TSPAN3: variants seen among roughly 807,000 people sequenced by gnomAD.
TSPAN3 encodes tetraspanin-3.
A neutral mutation model predicts 31.1 loss-of-function variants in TSPAN3; 9 were observed. The ratio of observed to expected loss-of-function variants is 0.29; its 90% CI spans 0.17 to 0.50. The LOEUF is 0.50. Among genes scored for constraint, TSPAN3 ranks in the 20% least tolerant of loss-of-function variants. TSPAN3 has a pLI of 0.98. For synonymous variants in TSPAN3, 129 were observed against 114.3 expected (o/e 1.13, Z -0.82); for missense variants, 252 against 313.5 (o/e 0.80, Z 1.48).
intron 3 of TSPAN3, 107 bp from the exon 4 acceptor site, chr15:77,054,386 T>G (rs1476107025): frequency 1.3e-6 from 1 of 749,434 alleles, no homozygotes. Flanking sequence ...TTGCCAGATA[T>G]CTATGAATTT....
chr15:77,065,558 C>A (rs2076827321), intron 1 of TSPAN3, among the ~76,000 whole-genome samples: 3 of 152,160 alleles, frequency 2.0e-5, no homozygotes, highest in Non-Finnish European at 4.4e-5. Context: ...TCCCGAGTAG[C>A]TGGGACTACA....
intron 1 of TSPAN3, among the ~76,000 whole-genome samples, chr15:77,059,058 T>C (rs1269748749): frequency 6.6e-6 from 1 of 151,752 alleles, no homozygotes; most frequent in African/African-American, 2.4e-5. Context: ...AGAAGAGAAA[T>C]AGTTTAATTT....
intron 6 of TSPAN3, 36 bp downstream of exon 6, chr15:77,052,349 T>A (rs1197675165): frequency 5.0e-6 from 8 of 1,592,356 alleles, no homozygotes; most frequent in African/African-American, 4.0e-5. Flanking sequence ...GAGAACCAAC[T>A]CACTCCGATA....
intron 1 of TSPAN3, among the ~76,000 whole-genome samples, chr15:77,059,284 G>T (rs1282516622): frequency 2.6e-5 from 4 of 152,160 alleles, no homozygotes; most frequent in Non-Finnish European, 2.9e-5. Context: ...GGGTTTCACC[G>T]TGTTAGCCAG....
chr15:77,049,431 TAG>T (rs1270178827), intron 6 of TSPAN3, among the ~76,000 whole-genome samples: 4 of 152,224 alleles, frequency 2.6e-5, no homozygotes, highest in African/African-American at 9.6e-5. Context: ...ATTGCCTTTG[TAG>T]AGAGACAGCC....
intron 1 of TSPAN3, among the ~76,000 whole-genome samples, chr15:77,065,396 A>G (rs2076826049): frequency 6.6e-6 from 1 of 152,206 alleles, no homozygotes; most frequent in Admixed American, 6.5e-5. Context: ...CCTTAATTAT[A>G]TACATTCACA....
chr15:77,069,947 G>A (rs977943837), intron 1 of TSPAN3: 1 of 152,336 alleles, frequency 6.6e-6, no homozygotes, highest in Admixed American at 6.5e-5. Context: ...ACCAGGGGAA[G>A]GAGTTGAACC....
chr15:77,051,301 G>A (rs971788572), intron 6 of TSPAN3, among the ~76,000 whole-genome samples: 2 of 152,024 alleles, frequency 1.3e-5, no homozygotes, highest in African/African-American at 4.8e-5. Flanking sequence ...GCCGAGGCAG[G>A]TGGATCACCT....
Position 77,043,277 on chromosome 15 carries a change from TA to T in TSPAN3, c.*3557del, listed in dbSNP as rs2076670044. On this transcript the variant is annotated 3_prime_UTR_variant, in exon 7 of 7. Transcript: ENST00000267970. Reference sequence around the variant, plus strand: ...TCTCTGTTTTCTCTTCCCTTAGCCCTAGGGGTGATGGCTGTTCTCTGCTAAG... The same window carrying T: ...TCTCTGTTTTCTCTTCCCTTAGCCCTGGGGTGATGGCTGTTCTCTGCTAAG... 6.6e-6 allele frequency: 1 copy of T among 152,280 alleles called. No individual in the cohort carries two copies. The highest frequency in any genetic ancestry group is 2.4e-5 in the African/African-American group (1 of 41,444). 9.4% of individuals were successfully genotyped at this position (152,280 alleles called of 1,614,324 possible).
chr15:77,069,689 G>C (rs941234210), intron 1 of TSPAN3, among the ~76,000 whole-genome samples: 1 of 152,116 alleles, frequency 6.6e-6, no homozygotes, highest in Non-Finnish European at 1.5e-5. Context: ...AGGATATGAA[G>C]TTTTATCCCT....
intron 6 of TSPAN3, among the ~76,000 whole-genome samples, chr15:77,047,752 C>T (rs1169957389): frequency 6.6e-6 from 1 of 152,154 alleles, no homozygotes; most frequent in African/African-American, 2.4e-5. Context: ...TTTGACCTAC[C>T]TTCTCCCAAA....
In TSPAN3 at chr15:77,071,063, GCTCCCCGCAGCCCCTGCGC is replaced by G. The variant is rs2076866866; in HGVS notation, c.-128_-110del. 2.8e-6 allele frequency: 2 copies of G among 720,962 alleles called. No individual in the cohort carries two copies. Among genetic ancestry groups the G allele is most frequent in the Non-Finnish European group, 3.8e-6 (2 of 525,504 alleles). The allele number at this position is 720,962 out of a possible 1,614,324, so 44.7% of individuals were successfully genotyped here. The stretch of plus-strand genomic sequence containing the variant: ...CTAGGAACTGCACGGCCTGCGCGGC[GCTCCCCGCAGCCCCTGCGC>G]CGTCGCGCAGCCCCGACCCCAGCAA... On this transcript the variant is annotated 5_prime_UTR_variant, in exon 1 of 7. Coordinates refer to ENST00000267970, the MANE Select transcript of TSPAN3 (RefSeq NM_005724.6).
At chr15:77,052,741 A>G in intron 5 of TSPAN3, 36 bp downstream of exon 5, 1 of 1,600,984 alleles carries the variant, frequency 6.2e-7, no homozygotes, top group South Asian at 1.1e-5. Flanking sequence ...AAACAGGTTA[A>G]TCAAGCTAGA....
chr15:77,065,939 A>C lies in TSPAN3; in HGVS notation c.63+4953T>G, dbSNP rs1319969062. On this transcript the variant is annotated intron_variant, in intron 1 of 6. Transcript: ENST00000267970. ...TATCACCTCTCAGATGAAAAACAAC[A>C]ACCTAAATAGATATTTAAGATTATA... 4.6e-5 allele frequency among the ~76,000 whole-genome samples: 7 copies of C among 152,300 alleles called. No individual in the cohort carries two copies. The East Asian group carries it at 9.6e-4, about 21-fold the overall frequency.
chr15:77,067,609 C>T (rs942227018), intron 1 of TSPAN3: 1 of 152,286 alleles, frequency 6.6e-6, no homozygotes, highest in South Asian at 2.1e-4. Flanking sequence ...TATGTTTATT[C>T]TTCCACTTAT....
At chr15:77,068,583 T>A (rs1400353350) in intron 1 of TSPAN3, among the ~76,000 whole-genome samples, 1 of 152,218 alleles carries the variant, frequency 6.6e-6, no homozygotes, top group East Asian at 1.9e-4. Flanking sequence ...CACAAGGAAC[T>A]GTAAAGAGTA....
intron 1 of TSPAN3, among the ~76,000 whole-genome samples, chr15:77,068,965 A>G (rs746433142): frequency 1.3e-5 from 2 of 152,214 alleles, no homozygotes; most frequent in Non-Finnish European, 2.9e-5. Flanking sequence ...AAGTGTCTTT[A>G]TAACAGAATG....
chr15:77,062,264 C>A (rs1043242004), intron 1 of TSPAN3, among the ~76,000 whole-genome samples: 1 of 152,200 alleles, frequency 6.6e-6, no homozygotes, highest in African/African-American at 2.4e-5. Context: ...CATCTTAAAT[C>A]GTTTAGCATT....
At chr15:77,049,096 A>C (rs2076711973) in intron 6 of TSPAN3, among the ~76,000 whole-genome samples, 1 of 152,224 alleles carries the variant, frequency 6.6e-6, no homozygotes, top group Admixed American at 6.5e-5. Flanking sequence ...AAAAAGGCAG[A>C]TCTATATCCA....
Sources: allele counts gnomAD v4.1 joint callset (sites outside exome capture counted in the v4.1 genomes callset), GRCh38; gene constraint gnomAD v4.1.1; transcripts MANE v1.5; gene names NCBI Gene and HGNC (gene_info 2026-07-23, HGNC 2026-07-21).